TLN2: variants seen among roughly 807,000 people sequenced by gnomAD.
TLN2 encodes the protein talin-2.
In TLN2, 118 loss-of-function variants were observed where a neutral mutation model predicts 294.7. That is an observed-to-expected ratio of 0.40 (90% CI 0.34 to 0.47). The LOEUF is 0.47. Among genes scored for constraint, TLN2 ranks in the 20% least tolerant of loss-of-function variants. TLN2 has a pLI of 0.84. For missense variants in TLN2, 3,083 were observed against 3,282.2 expected (o/e 0.94, Z 1.48); for synonymous variants, 1,431 against 1,304.5 (o/e 1.10, Z -2.09).
intron 22 of TLN2, among the ~76,000 whole-genome samples, chr15:62,713,897 C>CATATATATGTATAT (rs1555485306): frequency 8.4e-6 from 1 of 119,068 alleles, no homozygotes; most frequent in Non-Finnish European, 1.9e-5. Context: ...TTCTTTAAGC[C>CATATATATGTATAT]ATATATATAT....
At chr15:62,709,170 A>G (rs1405279419) in intron 21 of TLN2, among the ~76,000 whole-genome samples, 1 of 152,188 alleles carries the variant, frequency 6.6e-6, no homozygotes, top group South Asian at 2.1e-4. Flanking sequence ...TGTCCCCTGG[A>G]GGGCTCACCA....
intron 43 of TLN2, among the ~76,000 whole-genome samples, chr15:62,777,858 A>T (rs1027459449): frequency 6.6e-6 from 1 of 152,210 alleles, no homozygotes. Flanking sequence ...TTTCAACTCC[A>T]TATCTCCTGT....
intron 54 of TLN2, chr15:62,830,310 C>G (rs1299922581): frequency 6.6e-6 from 1 of 152,556 alleles, no homozygotes; most frequent in Non-Finnish European, 1.5e-5. Flanking sequence ...AATGAGAGCT[C>G]CAGGAGAGGG....
At chr15:62,771,180 C>A (rs1412402834) in intron 42 of TLN2, 46 bp downstream of exon 42, 4 of 1,529,414 alleles carry the variant, frequency 2.6e-6, no homozygotes, top group African/African-American at 1.4e-5. Context: ...ACTAAGAAGC[C>A]ATCATGCATT....
intron 52 of TLN2, among the ~76,000 whole-genome samples, chr15:62,819,257 G>A (rs2067359253): frequency 6.6e-6 from 1 of 152,132 alleles, no homozygotes. Context: ...CAAGGACTTT[G>A]TCTCCTTTAT....
intron 4 of TLN2, among the ~76,000 whole-genome samples, chr15:62,647,807 A>G (rs35444405): frequency 0.62 from 94,512 of 152,052 alleles, 30,605 homozygotes; most frequent in Middle Eastern, 0.8. Context: ...TTTCCCATGC[A>G]TGAACGCTTT....
chr15:62,648,087 T>C (rs1306643451), intron 4 of TLN2, among the ~76,000 whole-genome samples: 1 of 152,100 alleles, frequency 6.6e-6, no homozygotes, highest in Non-Finnish European at 1.5e-5. Flanking sequence ...TCCAAATCAG[T>C]AAGTCTTTAG....
chr15:62,528,928 C>G (rs2040881099), intron 1 of TLN2, among the ~76,000 whole-genome samples: 1 of 152,166 alleles, frequency 6.6e-6, no homozygotes, highest in Admixed American at 6.5e-5. Flanking sequence ...TTGTCTTGTT[C>G]TCTACAGCAT....
Position 62,441,037 on chromosome 15 carries a change from C to T in TLN2, c.-238+50352C>T, listed in dbSNP as rs545517010. Reference sequence around the variant, plus strand: ...CTTTATCCATCTCCTGCTCACTTCACATTCATGCTCTGGGACAGCGTTTCC... The same window carrying T: ...CTTTATCCATCTCCTGCTCACTTCATATTCATGCTCTGGGACAGCGTTTCC... On this transcript the variant is annotated intron_variant, in intron 1 of 58. Transcript: ENST00000636159. Among the ~76,000 whole-genome samples the T allele has an allele frequency of 1.9e-3, 287 of 152,300 alleles. 2 individuals are homozygous for T. Among genetic ancestry groups the T allele is most frequent in the Non-Finnish European group, 1.8e-3 (120 of 68,024 alleles).
rs200809264 is a variant in TLN2, at chr15:62,838,966, G to C, written c.7485G>C (p.Val2495=). 2 of 1,613,986 alleles carry C rather than the reference G, an allele frequency of 1.2e-6. No homozygotes were observed. The highest frequency in any genetic ancestry group is 2.7e-5 in the African/African-American group (2 of 74,932). Residue 2495 remains valine, a synonymous_variant, in exon 58 of 59, where the codon GTG becomes GTC. Coordinates refer to ENST00000636159, the MANE Select transcript of TLN2 (RefSeq NM_015059.3). The part of the protein sequence containing the change: ...DDDVVVKTKF[V]GGIAQIIAAQ... ...ATGTTGTAGTGAAAACCAAGTTTGTGGGGGGCATTGCTCAGGTTTGTAATT... is the reference window on the plus strand; with the variant it reads ...ATGTTGTAGTGAAAACCAAGTTTGTCGGGGGCATTGCTCAGGTTTGTAATT...
intron 45 of TLN2, chr15:62,784,711 G>C (rs954847358): frequency 1.3e-5 from 2 of 152,220 alleles, no homozygotes; most frequent in Non-Finnish European, 2.9e-5. Flanking sequence ...TTAAAATGAA[G>C]ATTAATGGAG....
chr15:62,601,723 G>A (rs959033218), intron 2 of TLN2, among the ~76,000 whole-genome samples: 6 of 152,076 alleles, frequency 3.9e-5, no homozygotes, highest in African/African-American at 9.7e-5. Context: ...TACTCTCATC[G>A]TTTATTTGTT....
intron 1 of TLN2, among the ~76,000 whole-genome samples, chr15:62,545,234 G>A (rs376149402): frequency 2.6e-5 from 4 of 152,206 alleles, no homozygotes; most frequent in Admixed American, 2.0e-4. Flanking sequence ...CACCGCACCC[G>A]GCTGTTATGC....
At chr15:62,459,980 G>A (rs1325803774) in intron 1 of TLN2, among the ~76,000 whole-genome samples, 2 of 152,172 alleles carry the variant, frequency 1.3e-5, no homozygotes, top group Non-Finnish European at 2.9e-5. Context: ...GGTGACCCAC[G>A]ATTGTTACTC....
intron 1 of TLN2, among the ~76,000 whole-genome samples, chr15:62,506,322 T>A: frequency 6.6e-6 from 1 of 152,320 alleles, no homozygotes. Context: ...GGGTCAGACC[T>A]TTTTTGGGTG....
intron 26 of TLN2, 96 bp from the exon 27 acceptor site, chr15:62,724,880 T>C (rs1167972137): frequency 1.4e-6 from 2 of 1,423,002 alleles, no homozygotes; most frequent in Non-Finnish European, 1.9e-6. Context: ...GGAGAATCAC[T>C]GGGTATATCC....
intron 12 of TLN2, among the ~76,000 whole-genome samples, chr15:62,692,195 C>T (rs1034659489): frequency 1.3e-5 from 2 of 152,212 alleles, no homozygotes; most frequent in Admixed American, 6.5e-5. Flanking sequence ...GAAGGCACTT[C>T]CCTGGGCTAC....
intron 54 of TLN2, chr15:62,832,992 A>C (rs905075096): frequency 6.6e-6 from 1 of 152,242 alleles, no homozygotes; most frequent in East Asian, 1.9e-4. Context: ...TATATCTTTA[A>C]AGATTTTGTT....
chr15:62,633,743 C>T (rs1321437040), intron 3 of TLN2, among the ~76,000 whole-genome samples: 1 of 152,170 alleles, frequency 6.6e-6, no homozygotes, highest in African/African-American at 2.4e-5. Context: ...CTGTATTTAG[C>T]CTGGCTAAAT....
Sources: allele counts gnomAD v4.1 joint callset (sites outside exome capture counted in the v4.1 genomes callset), GRCh38; gene constraint gnomAD v4.1.1; transcripts MANE v1.5; gene names NCBI Gene and HGNC (gene_info 2026-07-23, HGNC 2026-07-21).